Variants in ADORA2B observed in about 807,000 individuals in gnomAD.
ADORA2B encodes the protein adenosine receptor A2b.
ADORA2B carries 18 observed loss-of-function variants against 20.8 expected under a neutral mutation model. The ratio of observed to expected loss-of-function variants is 0.87; its 90% CI spans 0.60 to 1.29. ADORA2B has a LOEUF of 1.29. Ranked by LOEUF, ADORA2B falls within the 50% of genes most tolerant of loss-of-function variation. The pLI is 0.00. For missense variants in ADORA2B, 441 were observed against 422.7 expected, an observed-to-expected ratio of 1.04 and a Z score of -0.38; for synonymous variants, 179 against 178.3, an observed-to-expected ratio of 1.00 and a Z score of -0.03.
chr17:15,947,737 C>A (rs1969827947), intron 1 of ADORA2B, among the ~76,000 whole-genome samples: 2 of 152,232 alleles, frequency 1.3e-5, no homozygotes, highest in African/African-American at 2.4e-5. Flanking sequence ...GCAGGCCTTC[C>A]CTCAGCTGGC....
chr17:15,948,922 A>G (rs576298924), intron 1 of ADORA2B, among the ~76,000 whole-genome samples: 3 of 152,236 alleles, frequency 2.0e-5, no homozygotes, highest in Admixed American at 1.3e-4. Context: ...AAATTGAGCT[A>G]TAGGGCCGGG....
chr17:15,971,959 A>G (rs566213072), intron 1 of ADORA2B, among the ~76,000 whole-genome samples: 1 of 152,230 alleles, frequency 6.6e-6, no homozygotes, highest in East Asian at 1.9e-4. Context: ...AGAACATACT[A>G]TGTGCTGGGA....
the ADORA2B span, among the ~76,000 whole-genome samples, chr17:15,878,709 T>A: frequency 2.0e-5 from 3 of 152,278 alleles, no homozygotes; most frequent in Non-Finnish European, 4.4e-5. Flanking sequence ...TTAAGATTTT[T>A]GTATTGTTTT....
At chr17:15,965,116 G>A (rs1970099395) in intron 1 of ADORA2B, among the ~76,000 whole-genome samples, 1 of 152,182 alleles carries the variant, frequency 6.6e-6, no homozygotes, top group South Asian at 2.1e-4. Flanking sequence ...GAAAAAATGG[G>A]AGGCTGCTCA....
chr17:15,885,681 T>C, the ADORA2B span, among the ~76,000 whole-genome samples: 1 of 148,310 alleles, frequency 6.7e-6, no homozygotes, highest in South Asian at 2.1e-4. Flanking sequence ...GCCACTGCAC[T>C]CCAGCCTGGA....
At chr17:15,914,801 A>G in the ADORA2B span, among the ~76,000 whole-genome samples, 2 of 152,160 alleles carry the variant, frequency 1.3e-5, no homozygotes, top group African/African-American at 4.8e-5. Flanking sequence ...GGATTTTTAG[A>G]TGTTCCAGAT....
At chr17:15,904,540 A>T in the ADORA2B span, among the ~76,000 whole-genome samples, 1 of 151,552 alleles carries the variant, frequency 6.6e-6, no homozygotes, top group Non-Finnish European at 1.5e-5. Flanking sequence ...GGCACCCGCC[A>T]CCACGCCAGC....
At chr17:15,868,062 G>A in the ADORA2B span, among the ~76,000 whole-genome samples, 3 of 146,436 alleles carry the variant, frequency 2.0e-5, no homozygotes, top group Admixed American at 6.8e-5. Context: ...CTGTTGATCT[G>A]TGACCTTACC....
At chr17:15,896,420 A>C in the ADORA2B span, among the ~76,000 whole-genome samples, 1 of 152,244 alleles carries the variant, frequency 6.6e-6, no homozygotes, top group Non-Finnish European at 1.5e-5. Flanking sequence ...CTAGAAATGA[A>C]AATGTGGAAT....
chr17:15,898,659 G>A, the ADORA2B span, among the ~76,000 whole-genome samples: 4 of 151,966 alleles, frequency 2.6e-5, no homozygotes, highest in South Asian at 8.3e-4. Flanking sequence ...GAGCCACTGC[G>A]CCCGGCCTTG....
At chr17:15,880,786 C>G in the ADORA2B span, among the ~76,000 whole-genome samples, 8 of 152,284 alleles carry the variant, frequency 5.3e-5, no homozygotes, top group East Asian at 1.9e-4. Flanking sequence ...CTGAGCCTAG[C>G]AGCGCCAGGG....
intron 1 of ADORA2B, 56 bp downstream of exon 1, chr17:15,945,639 C>A: frequency 1.4e-6 from 2 of 1,404,466 alleles, no homozygotes; most frequent in South Asian, 3.0e-5. Context: ...CGAAATGGGT[C>A]GTCTTCTCCA....
At chr17:15,875,252 A>G in the ADORA2B span, among the ~76,000 whole-genome samples, 1 of 151,458 alleles carries the variant, frequency 6.6e-6, no homozygotes, top group African/African-American at 2.5e-5. Flanking sequence ...CCCATAGTCA[A>G]GCGTTTTCAA....
chr17:15,897,677 A>G, the ADORA2B span, among the ~76,000 whole-genome samples: 1 of 152,238 alleles, frequency 6.6e-6, no homozygotes, highest in African/African-American at 2.4e-5. Context: ...GAGGATCACA[A>G]GTGTCCAATA....
the ADORA2B span, among the ~76,000 whole-genome samples, chr17:15,901,816 C>G: frequency 2.0e-5 from 3 of 152,178 alleles, no homozygotes; most frequent in Admixed American, 1.3e-4. Context: ...CTCCCCCCAC[C>G]ACCTCCGCAA....
At chr17:15,952,790 A>G (rs939059020) in intron 1 of ADORA2B, among the ~76,000 whole-genome samples, 5 of 152,176 alleles carry the variant, frequency 3.3e-5, no homozygotes, top group African/African-American at 1.2e-4. Flanking sequence ...GGATTGGGGA[A>G]CTGAGGCCCA....
Position 15,945,439 on chromosome 17 carries a change from C to T in ADORA2B, c.191C>T (p.Ala64Val), listed in dbSNP as rs1232421892. The T allele has an allele frequency of 6.2e-7, 1 of 1,613,666 alleles. No homozygotes were observed. Among genetic ancestry groups the T allele is most frequent in the Admixed American group, 1.7e-5 (1 of 60,026 alleles). Reference protein sequence around the residue: ...VAVGLFAIPFAITISLGFCTD... With the variant: ...VAVGLFAIPFVITISLGFCTD... Reference sequence around the variant, plus strand: ...GTGGGGCTCTTCGCCATCCCCTTTGCCATCACCATCAGCCTGGGCTTCTGC... The same window carrying T: ...GTGGGGCTCTTCGCCATCCCCTTTGTCATCACCATCAGCCTGGGCTTCTGC... Residue 64 changes from alanine to valine, a missense_variant, in exon 1 of 2, where the codon GCC becomes GTC. Transcript: ENST00000304222.
At chr17:15,919,001 G>T in the ADORA2B span, among the ~76,000 whole-genome samples, 1 of 152,080 alleles carries the variant, frequency 6.6e-6, no homozygotes, top group Non-Finnish European at 1.5e-5. Flanking sequence ...ACCAACATCC[G>T]GTTTATGGCT....
chr17:15,963,992 G>C (rs1251301080), intron 1 of ADORA2B, among the ~76,000 whole-genome samples: 1 of 152,180 alleles, frequency 6.6e-6, no homozygotes, highest in Non-Finnish European at 1.5e-5. Context: ...AGCAGCCCGG[G>C]GCCAGGGCCT....
Sources: allele counts gnomAD v4.1 joint callset (sites outside exome capture counted in the v4.1 genomes callset), GRCh38; gene constraint gnomAD v4.1.1; transcripts MANE v1.5; gene names NCBI Gene and HGNC (gene_info 2026-07-23, HGNC 2026-07-21).